Variants in WDR41 observed in about 807,000 individuals in gnomAD.
The protein encoded by WDR41 is WD repeat-containing protein 41.
WDR41 carries 63 observed loss-of-function variants against 69.3 expected under a neutral mutation model. The ratio of observed to expected loss-of-function variants is 0.91; its 90% CI spans 0.74 to 1.12. WDR41 has a LOEUF of 1.12. Ranked by LOEUF, WDR41 falls within the 50% of genes most tolerant of loss-of-function variation. The probability of loss-of-function intolerance (pLI) is 0.00; values close to 1 mark genes in which losing one functional copy is unlikely to be tolerated. For missense variants in WDR41, 543 were observed against 534.5 expected, an observed-to-expected ratio of 1.02 and a Z score of -0.16; for synonymous variants, 185 against 192.1, an observed-to-expected ratio of 0.96 and a Z score of 0.31.
At chr5:77,562,562 G>A (rs1403217427) in intron 1 of WDR41, among the ~76,000 whole-genome samples, 1 of 152,152 alleles carries the variant, frequency 6.6e-6, no homozygotes, top group African/African-American at 2.4e-5. Context: ...ATTTAATGAT[G>A]TCTTCAACAG....
chr5:77,588,335 T>C (rs1261868993), intron 1 of WDR41, among the ~76,000 whole-genome samples: 2 of 152,170 alleles, frequency 1.3e-5, no homozygotes, highest in Admixed American at 6.5e-5. Flanking sequence ...TGAATTCTGT[T>C]TAGAAAAATC....
At chr5:77,474,856 C>T (rs575681554) in intron 2 of WDR41, among the ~76,000 whole-genome samples, 4 of 152,148 alleles carry the variant, frequency 2.6e-5, no homozygotes, top group South Asian at 2.1e-4. Flanking sequence ...CAGCTCCCAG[C>T]GTGAGCGACG....
intron 2 of WDR41, among the ~76,000 whole-genome samples, chr5:77,486,491 A>G (rs1445414520): frequency 6.6e-6 from 1 of 152,180 alleles, no homozygotes; most frequent in Admixed American, 6.5e-5. Context: ...GGTCAAGTTT[A>G]TTTACCCACT....
intron 1 of WDR41, 135 bp from the exon 2 acceptor site, chr5:77,489,707 T>A: frequency 2.2e-6 from 1 of 450,464 alleles, no homozygotes; most frequent in Non-Finnish European, 3.9e-6. Flanking sequence ...TAAGGTATCA[T>A]GTTCTACTAC....
chr5:77,477,400 C>T (rs1017677846), intron 2 of WDR41, among the ~76,000 whole-genome samples: 1 of 108,364 alleles, frequency 9.2e-6, no homozygotes, highest in Non-Finnish European at 1.7e-5. Context: ...CACACCTATT[C>T]CAAAATTGAC....
In WDR41 at chr5:77,530,956, C is replaced by CA. The variant is rs201388537; in HGVS notation, c.43-41385dup. 7.8e-3 allele frequency among the ~76,000 whole-genome samples: 1,184 copies of CA among 150,950 alleles called. 5 individuals are homozygous for CA. The highest frequency in any genetic ancestry group is 0.012 in the Non-Finnish European group (823 of 67,488). Reference sequence around the variant, plus strand: ...GCTGAGACAACTGGATACTCACATGCAAAAAAAATGAACTTGCACCCTTAC... The same window carrying CA: ...GCTGAGACAACTGGATACTCACATGCAAAAAAAAATGAACTTGCACCCTTAC... On this transcript the variant is annotated intron_variant, in intron 1 of 5. Coordinates refer to the WDR41 transcript ENST00000509971.
Position 77,437,443 on chromosome 5 carries a change from AG to A in WDR41, c.1005-20del. ...TAACTGCCTGTCAGAACAGAAAATC[AG>A]TAATACAAAAAGAGCGCACCACTGA... On this transcript the variant is annotated intron_variant, in intron 10 of 12. Transcript: ENST00000296679. 6.2e-7 allele frequency: 1 copy of A among 1,608,416 alleles called. No homozygotes were observed. Among genetic ancestry groups the A allele is most frequent in the Non-Finnish European group, 8.5e-7 (1 of 1,175,308 alleles).
At chr5:77,478,717 TCATA>T (rs1290446390) in intron 2 of WDR41, among the ~76,000 whole-genome samples, 2 of 149,770 alleles carry the variant, frequency 1.3e-5, no homozygotes, top group East Asian at 4.0e-4. Flanking sequence ...ACAGCCAATA[TCATA>T]CTGAATGGGC....
Position 77,517,471 on chromosome 5 carries a change from T to C in WDR41, c.43-27899A>G, listed in dbSNP as rs139599799. On this transcript the variant is annotated intron_variant, in intron 1 of 5. Coordinates refer to the WDR41 transcript ENST00000509971. ...AAATGCCCCTGCTGCAGCTAGACCA[T>C]GCTTAGTTCTCTGAACATGTGCATA... 6.4e-3 allele frequency among the ~76,000 whole-genome samples: 973 copies of C among 152,262 alleles called. 12 individuals are homozygous for C. Among genetic ancestry groups the C allele is most frequent in the African/African-American group, 0.022 (903 of 41,570 alleles).
chr5:77,483,043 C>G (rs953937227), intron 2 of WDR41, among the ~76,000 whole-genome samples: 1 of 152,164 alleles, frequency 6.6e-6, no homozygotes, highest in African/African-American at 2.4e-5. Context: ...TATTTGCCTT[C>G]TCACAATTTG....
chr5:77,516,973 G>A (rs1435743962), intron 1 of WDR41, among the ~76,000 whole-genome samples: 2 of 149,260 alleles, frequency 1.3e-5, no homozygotes, highest in African/African-American at 4.9e-5. Context: ...CCGAGATTGC[G>A]CCACTTCACT....
chr5:77,471,713 C>T (rs1264946659), intron 2 of WDR41, among the ~76,000 whole-genome samples: 1 of 152,106 alleles, frequency 6.6e-6, no homozygotes, highest in Non-Finnish European at 1.5e-5. Flanking sequence ...TACACCCTCC[C>T]AAGACTAAAC....
rs150624821 is a variant in WDR41 at position 77,436,394 on chromosome 5, C to T, written c.1094G>A (p.Gly365Asp). 1 of 1,613,470 alleles carries T rather than the reference C, an allele frequency of 6.2e-7. No individual in the cohort carries two copies. Among genetic ancestry groups the T allele is most frequent in the East Asian group, 2.2e-5 (1 of 44,858 alleles). The change falls in exon 12 of 13, where the codon GGT becomes GAT. Residue 365 changes from glycine (G) to aspartate (D), a missense_variant and splice_region_variant. Coordinates refer to ENST00000296679, the MANE Select transcript of WDR41 (RefSeq NM_018268.4). ...QQLAAEPVPT[G>D]FFNMWGFGRV... is the part of the protein sequence containing the mutation. ...TCCAAATCCCCACATGTTAAAAAAA[C>T]CTAGAAAAAGAATCATTTCCAAAAT...
intron 1 of WDR41, among the ~76,000 whole-genome samples, chr5:77,512,745 C>CAAAAAAAAAAAAAAAAAAA (rs71606301): frequency 1.1e-4 from 8 of 74,080 alleles, no homozygotes; most frequent in Non-Finnish European, 1.7e-4. Flanking sequence ...GACTCCATCT[C>CAAAAAAAAAAAAAAAAAAA]AAAAAAAAAA....
intron 1 of WDR41, among the ~76,000 whole-genome samples, chr5:77,538,001 T>A (rs1469519234): frequency 6.6e-6 from 1 of 152,120 alleles, no homozygotes; most frequent in African/African-American, 2.4e-5. Flanking sequence ...ATAGATTGTG[T>A]AGATGTCAAG....
chr5:77,560,336 A>G (rs1399725749), intron 1 of WDR41, among the ~76,000 whole-genome samples: 2 of 152,208 alleles, frequency 1.3e-5, no homozygotes, highest in Non-Finnish European at 2.9e-5. Context: ...GATCTGCTTT[A>G]TAAATCAGCT....
intron 2 of WDR41, among the ~76,000 whole-genome samples, chr5:77,482,967 G>A (rs1426336526): frequency 1.3e-5 from 2 of 151,606 alleles, no homozygotes; most frequent in Non-Finnish European, 2.9e-5. Flanking sequence ...CAGATGAGAT[G>A]GCACCAAGAG....
chr5:77,589,090 G>A (rs79339409), intron 1 of WDR41, among the ~76,000 whole-genome samples: 1 of 152,148 alleles, frequency 6.6e-6, no homozygotes, highest in Non-Finnish European at 1.5e-5. Context: ...CTGGTAATAT[G>A]CATGTTAGGC....
At chr5:77,437,260 A>G in intron 11 of WDR41, 76 bp downstream of exon 11, 4 of 1,208,204 alleles carry the variant, frequency 3.3e-6, no homozygotes, top group East Asian at 4.6e-5. Flanking sequence ...GTGGTTTCAC[A>G]TAATTGTCCT....
Sources: gnomAD v4.1 joint callset for allele counts (sites outside exome capture counted in the v4.1 genomes callset) on GRCh38, gnomAD v4.1.1 for gene constraint, MANE v1.5 for transcripts, NCBI Gene and HGNC (gene_info 2026-07-23, HGNC 2026-07-21) for gene names.